PRKDC: variants seen among roughly 807,000 people sequenced by gnomAD.
PRKDC encodes protein kinase, DNA-activated, catalytic subunit.
A neutral mutation model predicts 486.9 loss-of-function variants in PRKDC; 82 were observed. The observed-to-expected ratio is 0.17, with a 90% CI of 0.14 to 0.20. The LOEUF is 0.20. PRKDC is among the 10% of genes least tolerant of loss of function. The pLI is 1.00. For missense variants in PRKDC, 4,504 were observed against 5,038.2 expected (o/e 0.89, Z 3.21); for synonymous variants, 1,895 against 1,837.0 (o/e 1.03, Z -0.81).
At chr8:47,784,155 G>C in intron 77 of PRKDC, 1 of 194,726 alleles carries the variant, frequency 5.1e-6, no homozygotes, top group Non-Finnish European at 1.1e-5. Context: ...CTACTCGGGA[G>C]GCTGAGGCAG....
chr8:47,799,804 A>C (rs1395118678), intron 71 of PRKDC, among the ~76,000 whole-genome samples: 3 of 152,176 alleles, frequency 2.0e-5, no homozygotes, highest in Non-Finnish European at 4.4e-5. Context: ...AATGAGACGG[A>C]AGCAGGTAAC....
intron 45 of PRKDC, among the ~76,000 whole-genome samples, chr8:47,860,473 G>A (rs1391939565): frequency 2.0e-5 from 3 of 152,200 alleles, no homozygotes; most frequent in Non-Finnish European, 4.4e-5. Flanking sequence ...GGGGCCTTGA[G>A]CAGCTCTGTC....
intron 40 of PRKDC, 32 bp downstream of exon 40, chr8:47,877,692 G>A (rs769192333): frequency 6.5e-7 from 1 of 1,528,246 alleles, no homozygotes; most frequent in African/African-American, 1.4e-5. Flanking sequence ...AAATGCGTAT[G>A]GTTCCTGAGA....
intron 61 of PRKDC, among the ~76,000 whole-genome samples, chr8:47,829,275 T>A (rs2087809316): frequency 6.6e-6 from 1 of 152,222 alleles, no homozygotes; most frequent in Non-Finnish European, 1.5e-5. Flanking sequence ...TTTAATTATG[T>A]TTACAATATA....
At chr8:47,866,792 T>C (rs1287526277) in intron 40 of PRKDC, among the ~76,000 whole-genome samples, 1 of 152,144 alleles carries the variant, frequency 6.6e-6, no homozygotes, top group African/African-American at 2.4e-5. Flanking sequence ...CTGGCAAAAT[T>C]ACAAATGTAC....
At chr8:47,914,520 T>C (rs1403290528) in intron 23 of PRKDC, among the ~76,000 whole-genome samples, 1 of 152,002 alleles carries the variant, frequency 6.6e-6, no homozygotes, top group Non-Finnish European at 1.5e-5. Flanking sequence ...CCAGGCACAG[T>C]GGGGCATGGT....
At chr8:47,835,884 C>T (rs918015646) in intron 58 of PRKDC, among the ~76,000 whole-genome samples, 9 of 151,880 alleles carry the variant, frequency 5.9e-5, no homozygotes, top group Non-Finnish European at 1.2e-4. Context: ...GCCTCAGCTT[C>T]CCCCGTAGCT....
chr8:47,821,208 G>C (rs776192371), intron 65 of PRKDC, among the ~76,000 whole-genome samples: 40 of 152,098 alleles, frequency 2.6e-4, no homozygotes, highest in Non-Finnish European at 4.4e-4. Flanking sequence ...TGGATGTTAC[G>C]TACAAACTGA....
chr8:47,941,390 T>TG (rs975215959), intron 10 of PRKDC, among the ~76,000 whole-genome samples: 4 of 152,144 alleles, frequency 2.6e-5, no homozygotes, highest in Non-Finnish European at 5.9e-5. Flanking sequence ...TGACCACACC[T>TG]GGTAACAATG....
chr8:47,776,788 G>C, intron 85 of PRKDC, 56 bp downstream of exon 85: 8 of 1,596,902 alleles, frequency 5.0e-6, no homozygotes, highest in Non-Finnish European at 6.8e-6. Context: ...TTGGCTCCTC[G>C]AGAAACAGTA....
chr8:47,880,429 G>A (rs1465612101), intron 38 of PRKDC, among the ~76,000 whole-genome samples: 2 of 152,152 alleles, frequency 1.3e-5, no homozygotes, highest in East Asian at 3.9e-4. Flanking sequence ...AAAATTCCAA[G>A]ACTGTCTATG....
In PRKDC at chr8:47,859,076, A is replaced by T. The variant is rs540677728; in HGVS notation, c.6208-90T>A. On this transcript the variant is annotated intron_variant, in intron 46 of 85. Coordinates refer to ENST00000314191, the MANE Select transcript of PRKDC (RefSeq NM_006904.7). ...TGTGGGAGGCTCTTTCTGGGGCAACAGCATATAACAAACACTTAGGTAATA... is the reference window on the plus strand; with the variant it reads ...TGTGGGAGGCTCTTTCTGGGGCAACTGCATATAACAAACACTTAGGTAATA... 4 of 1,382,602 alleles carry T rather than the reference A, an allele frequency of 2.9e-6. No individual in the cohort carries two copies. The Admixed American group carries it at 7.3e-5, about 25-fold the overall frequency. 85.6% of individuals were successfully genotyped at this position (1,382,602 alleles called of 1,614,324 possible). A position where few individuals can be genotyped will look rare whatever the true frequency, so the allele number is the denominator to read the frequency against.
chr8:47,916,318 C>T (rs2089981768), intron 22 of PRKDC, among the ~76,000 whole-genome samples: 1 of 151,914 alleles, frequency 6.6e-6, no homozygotes, highest in Non-Finnish European at 1.5e-5. Context: ...CGTGGTGGCA[C>T]GCACCTGTAA....
rs8178035 is a variant in PRKDC, at chr8:47,930,629, AC to A, written c.1892+42del. The A allele has an allele frequency of 9.6e-4, 1,447 of 1,503,984 alleles. 13 individuals are homozygous for A. The African/African-American group carries it at 0.017, about 18-fold the overall frequency. 93.2% of individuals were successfully genotyped at this position (1,503,984 alleles called of 1,614,324 possible). A position where few individuals can be genotyped will look rare whatever the true frequency, so the allele number is the denominator to read the frequency against. On this transcript the variant is annotated intron_variant, in intron 17 of 85. Transcript: ENST00000314191. The stretch of plus-strand genomic sequence containing the variant: ...TTTCCTATATTACAGCCAATAACTA[AC>A]AATCATTTTCATTCTTAAATAATTA...
chr8:47,858,954 C>A lies in PRKDC; in HGVS notation c.6240G>T (p.Val2080=). ...TGAGCTCGTCCATCTCCAGCTCCAG[C>A]ACATCATCATGCACCGTGGGGTCCC... The part of the protein sequence containing the change: ...EQRDPTVHDD[V]LELEMDELNR... Residue 2080 remains valine (V), a synonymous_variant, in exon 47 of 86, where the codon GTG becomes GTT. Coordinates refer to ENST00000314191, the MANE Select transcript of PRKDC (RefSeq NM_006904.7). 1 of 1,613,556 alleles carries A rather than the reference C, an allele frequency of 6.2e-7. No individual in the cohort carries two copies.
intron 37 of PRKDC, 36 bp downstream of exon 37, chr8:47,881,876 G>A (rs377173709): frequency 1.9e-4 from 294 of 1,543,098 alleles, no homozygotes; most frequent in Middle Eastern, 8.6e-4. Flanking sequence ...GAGTTCAGAA[G>A]AATAAACATG....
chr8:47,954,034 AAG>A (rs1262730140), intron 5 of PRKDC, 115 bp from the exon 6 acceptor site: 2 of 608,530 alleles, frequency 3.3e-6, no homozygotes, highest in East Asian at 2.8e-5. Context: ...ATTTTACAGT[AAG>A]AGATATAAAA....
intron 40 of PRKDC, among the ~76,000 whole-genome samples, chr8:47,868,000 C>T (rs971018000): frequency 6.6e-6 from 1 of 152,218 alleles, no homozygotes; most frequent in Middle Eastern, 3.4e-3. Flanking sequence ...AACTGATTCC[C>T]AGAGAGAAAA....
chr8:47,952,868 G>T (rs1400939381), intron 7 of PRKDC, among the ~76,000 whole-genome samples: 1 of 150,362 alleles, frequency 6.7e-6, no homozygotes, highest in Admixed American at 6.6e-5. Flanking sequence ...GGCCGGGTGC[G>T]GTGGCTCATG....
Sources: gnomAD v4.1 joint callset for allele counts (sites outside exome capture counted in the v4.1 genomes callset) on GRCh38, gnomAD v4.1.1 for gene constraint, MANE v1.5 for transcripts, NCBI Gene and HGNC (gene_info 2026-07-23, HGNC 2026-07-21) for gene names.